MYLK: variants seen among roughly 807,000 people sequenced by gnomAD.
MYLK encodes the protein myosin light chain kinase.
In MYLK, 106 loss-of-function variants were observed where a neutral mutation model predicts 203.4. The observed-to-expected ratio is 0.52, with a 90% CI of 0.45 to 0.61. MYLK has a LOEUF of 0.61. Ranked by LOEUF, MYLK falls within the 20% of genes least tolerant of loss-of-function variation. The pLI is 0.00. For synonymous variants in MYLK, 867 were observed against 959.5 expected (o/e 0.90, Z 1.78); for missense variants, 2,072 against 2,442.3 (o/e 0.85, Z 3.20).
chr3:123,661,593 A>C (rs1184623468), intron 23 of MYLK, among the ~76,000 whole-genome samples: 1 of 152,202 alleles, frequency 6.6e-6, no homozygotes, highest in Non-Finnish European at 1.5e-5. Flanking sequence ...TGAAACTTCT[A>C]ACCAAAAGAA....
intron 5 of MYLK, among the ~76,000 whole-genome samples, chr3:123,743,450 T>G (rs1047806578): frequency 6.6e-6 from 1 of 151,734 alleles, no homozygotes; most frequent in Non-Finnish European, 1.5e-5. Context: ...ACAGGGTCTA[T>G]TTATAGGAAA....
intron 33 of MYLK, chr3:123,617,241 C>T (rs764836950): frequency 1.3e-5 from 2 of 152,110 alleles, no homozygotes; most frequent in African/African-American, 4.8e-5. Context: ...AAATTAAGTA[C>T]GAAACAATCC....
chr3:123,674,098 C>A (rs529597724), intron 20 of MYLK, among the ~76,000 whole-genome samples: 27 of 152,286 alleles, frequency 1.8e-4, no homozygotes, highest in African/African-American at 6.0e-4. Context: ...TGACCATCAT[C>A]TCCCAGGGAG....
intron 20 of MYLK, among the ~76,000 whole-genome samples, chr3:123,667,468 G>T (rs1412656099): frequency 1.3e-5 from 2 of 152,050 alleles, no homozygotes; most frequent in African/African-American, 2.4e-5. Context: ...GCTGGGCATG[G>T]TGGTGTGCAC....
chr3:123,691,462 G>A (rs2060662384), intron 19 of MYLK: 1 of 152,216 alleles, frequency 6.6e-6, no homozygotes, highest in South Asian at 2.1e-4. Flanking sequence ...GAAGTACACA[G>A]TATTAGATGA....
intron 2 of MYLK, among the ~76,000 whole-genome samples, chr3:123,838,878 T>A (rs1206041240): frequency 6.6e-6 from 1 of 152,206 alleles, no homozygotes; most frequent in Non-Finnish European, 1.5e-5. Flanking sequence ...GCAGATCAAC[T>A]GAGGTCAGGA....
At chr3:123,861,417 C>T (rs1264174036) in intron 2 of MYLK, among the ~76,000 whole-genome samples, 1 of 152,220 alleles carries the variant, frequency 6.6e-6, no homozygotes, top group African/African-American at 2.4e-5. Flanking sequence ...CTCATGGGGT[C>T]ATCATAAGGA....
chr3:123,814,147 C>T, intron 3 of MYLK: 1 of 367,612 alleles, frequency 2.7e-6, no homozygotes, highest in South Asian at 2.5e-5. Flanking sequence ...CACAGAAACA[C>T]TGACTCATGG....
chr3:123,746,250 T>C (rs1284109786), intron 5 of MYLK, among the ~76,000 whole-genome samples: 2 of 152,128 alleles, frequency 1.3e-5, no homozygotes, highest in Non-Finnish European at 2.9e-5. Context: ...CTCAGGAGGC[T>C]GAGGCAGGAG....
chr3:123,705,402 C>T (rs2061424197), intron 16 of MYLK, among the ~76,000 whole-genome samples: 1 of 152,304 alleles, frequency 6.6e-6, no homozygotes, highest in East Asian at 1.9e-4. Flanking sequence ...CCAGGTCCTT[C>T]CAGTTCCCTG....
In MYLK at chr3:123,752,414, T is replaced by C. The variant is rs756800370; in HGVS notation, c.290A>G (p.His97Arg). 2.0e-5 allele frequency: 33 copies of C among 1,614,056 alleles called. No individual in the cohort carries two copies. In the Middle Eastern group the frequency reaches 1.6e-3, roughly 80 times the overall value. The change falls in exon 5 of 34, where the codon CAT (histidine) becomes CGT (arginine). Residue 97 changes from histidine to arginine, a missense_variant. By Grantham distance (29) the His-to-Arg change is conservative (BLOSUM62 0). Coordinates refer to ENST00000360304, the MANE Select transcript of MYLK (RefSeq NM_053025.4). ...GTFSLVIHAV[H>R]EEDRGKYTCE... ...GGTATACTTTCCCCTGTCCTCCTCA[T>C]GGACAGCATGAATCACAAGGCTGAA...
chr3:123,657,195 T>C lies in MYLK; in HGVS notation c.4219A>G (p.Ile1407Val). 1 of 1,614,202 alleles carries C rather than the reference T, an allele frequency of 6.2e-7. No homozygotes were observed. Among genetic ancestry groups the C allele is most frequent in the Non-Finnish European group, 8.5e-7 (1 of 1,180,038 alleles). The change falls in exon 24 of 34, where the codon ATC becomes GTC. Residue 1407 changes from isoleucine (I) to valine (V), a missense_variant. Coordinates refer to ENST00000360304, the MANE Select transcript of MYLK (RefSeq NM_053025.4). ...DHEYKFRVRA[I>V]NVYGTSEPSQ... is the part of the protein sequence containing the mutation. ...GGCTCACTGGTTCCATACACGTTGA[T>C]TGCACGTACACGGAACTTATATTCG...
At chr3:123,803,899 G>A (rs977073778) in intron 3 of MYLK, among the ~76,000 whole-genome samples, 1 of 152,242 alleles carries the variant, frequency 6.6e-6, no homozygotes, top group Admixed American at 6.5e-5. Context: ...CCTCTGATTG[G>A]ATGAGGTCTG....
intron 29 of MYLK, chr3:123,630,936 A>T (rs34621562): frequency 0.25 from 38,574 of 151,904 alleles, 9,657 homozygotes; most frequent in East Asian, 0.61. Flanking sequence ...CATGGGTGTT[A>T]GACCAGCACA....
chr3:123,655,276 T>C (rs1436913033), intron 24 of MYLK, among the ~76,000 whole-genome samples: 1 of 152,008 alleles, frequency 6.6e-6, no homozygotes, highest in Non-Finnish European at 1.5e-5. Context: ...CTTTGCACCT[T>C]CTCCCTCCCC....
intron 14 of MYLK, chr3:123,709,543 C>A: frequency 1.5e-6 from 1 of 653,590 alleles, no homozygotes; most frequent in Non-Finnish European, 2.7e-6. Flanking sequence ...CCATCTTCTT[C>A]CTCTGGACCA....
chr3:123,687,932 T>G (rs1447829970), intron 19 of MYLK, among the ~76,000 whole-genome samples: 1 of 152,178 alleles, frequency 6.6e-6, no homozygotes, highest in African/African-American at 2.4e-5. Context: ...CTCAAAGTGT[T>G]GGTATTACAG....
rs1230223829 is a variant in MYLK at position 123,734,111 on chromosome 3, C to T, written c.885G>A (p.Lys295=). ...LDSLEAAAKS[K]NCSSPQRGGS... ...CACCTCTCTGGGGGCTGGAGCAGTT[C>T]TTGCTTTTGGCTGCAGCCTCCAGAC... The change falls in exon 10 of 34, where the codon AAG becomes AAA. Residue 295 remains lysine, a synonymous_variant. Transcript: ENST00000360304. The T allele has an allele frequency of 6.2e-7, 1 of 1,602,604 alleles. No homozygotes were observed. Among genetic ancestry groups the T allele is most frequent in the Non-Finnish European group, 8.5e-7 (1 of 1,173,624 alleles).
Position 123,620,301 on chromosome 3 carries a change from C to T in MYLK, c.5274G>A (p.Leu1758=), listed in dbSNP as rs1485403562. The change falls in exon 32 of 34, where the codon CTG becomes CTA. Residue 1758 remains leucine, a synonymous_variant. Transcript: ENST00000360304. ...TGNAVRAIGR[L]SSMAMISGLS... Reference sequence around the variant, plus strand: ...GCCCTGAGATCATTGCCATAGAGGACAGTCTTCCAATGGCTCTCACAGCAT... The same window carrying T: ...GCCCTGAGATCATTGCCATAGAGGATAGTCTTCCAATGGCTCTCACAGCAT... The T allele has an allele frequency of 2.8e-5, 46 of 1,614,126 alleles. No individual in the cohort carries two copies. The highest frequency in any genetic ancestry group is 3.9e-5 in the Non-Finnish European group (46 of 1,180,026).
Sources: allele counts gnomAD v4.1 joint callset (sites outside exome capture counted in the v4.1 genomes callset), GRCh38; gene constraint gnomAD v4.1.1; transcripts MANE v1.5; gene names NCBI Gene and HGNC (gene_info 2026-07-23, HGNC 2026-07-21).